Variants in SNX29 observed in about 807,000 individuals in gnomAD.
The protein encoded by SNX29 is sorting nexin-29.
Under a neutral mutation model 102.1 loss-of-function variants are expected in SNX29, and 78 were observed. The ratio of observed to expected loss-of-function variants is 0.76; its 90% CI spans 0.64 to 0.92. SNX29 has a LOEUF of 0.92. Ranked by LOEUF, SNX29 falls within the 40% of genes least tolerant of loss-of-function variation. The probability of loss-of-function intolerance (pLI) is 0.00; values close to 1 mark genes in which losing one functional copy is unlikely to be tolerated. For synonymous variants in SNX29, 580 were observed against 414.5 expected (o/e 1.40, Z -4.85); for missense variants, 1,280 against 1,061.7 (o/e 1.21, Z -2.86).
intron 14 of SNX29, among the ~76,000 whole-genome samples, chr16:12,266,178 G>A (rs146013208): frequency 1.3e-3 from 201 of 152,232 alleles, no homozygotes; most frequent in African/African-American, 4.4e-3. Context: ...TCCCGCCTCA[G>A]CCTCCCAAAG....
chr16:12,493,048 G>C (rs1024150772), intron 19 of SNX29, among the ~76,000 whole-genome samples: 43 of 152,200 alleles, frequency 2.8e-4, no homozygotes, highest in Admixed American at 7.9e-4. Context: ...CTTTAAAGTA[G>C]TTTTTTCCAA....
At chr16:12,363,794 C>T (rs1026985340) in intron 16 of SNX29, among the ~76,000 whole-genome samples, 3 of 152,066 alleles carry the variant, frequency 2.0e-5, no homozygotes, top group African/African-American at 7.2e-5. Flanking sequence ...TACTTGGGAC[C>T]ACAAGTGTTT....
At chr16:12,061,398 AC>A in intron 8 of SNX29, 129 bp from the exon 9 acceptor site, 1 of 696,072 alleles carries the variant, frequency 1.4e-6, no homozygotes, top group Non-Finnish European at 2.4e-6. Context: ...CTCCCAGCCC[AC>A]ACCTCCTTCT....
At position 12,573,277 on chromosome 16, in the gene SNX29, C is replaced by G. The variant is rs528052161; in HGVS notation, c.*4648C>G. 12 of 228,046 alleles carry G rather than the reference C, an allele frequency of 5.3e-5. No individual in the cohort carries two copies. In the South Asian group the frequency reaches 2.0e-3, roughly 38 times the overall value. 14.1% of individuals were successfully genotyped at this position (228,046 alleles called of 1,614,324 possible). A position where few individuals can be genotyped will look rare whatever the true frequency, so the allele number is the denominator to read the frequency against. Reference sequence around the variant, plus strand: ...TCAGTCATCTCTGGTATTCCTCACTCTAGCCATGAGCCATTGCCATCTTAT... The same window carrying G: ...TCAGTCATCTCTGGTATTCCTCACTGTAGCCATGAGCCATTGCCATCTTAT... On this transcript the variant is annotated 3_prime_UTR_variant, in exon 21 of 21. Transcript: ENST00000566228.
chr16:11,990,063 A>T (rs1361178594), intron 1 of SNX29, among the ~76,000 whole-genome samples: 3 of 152,176 alleles, frequency 2.0e-5, no homozygotes, highest in African/African-American at 4.8e-5. Flanking sequence ...AATGTCTCCA[A>T]GTCTCAGTTC....
At position 12,096,323 on chromosome 16, in the gene SNX29, CACCAAACATTT is replaced by C. The variant is rs1198186895; in HGVS notation, c.1402+17418_1402+17428del. Among the ~76,000 whole-genome samples, 1 of 152,218 alleles carries C rather than the reference CACCAAACATTT, an allele frequency of 6.6e-6. No individual in the cohort carries two copies. The highest frequency in any genetic ancestry group is 2.4e-5 in the African/African-American group (1 of 41,458). ...CTTCTTTATCATCTGTTTATTCATT[CACCAAACATTT>C]ACCAAACATCTCTCATGTGCTGGGC... On this transcript the variant is annotated intron_variant, in intron 11 of 20. Transcript: ENST00000566228. The surrounding 1 kb of genome is among the most constrained non-coding windows in gnomAD (Gnocchi z 4.2).
rs2078020190 is a variant in SNX29 at position 12,552,177 on chromosome 16, A to AGG, written c.2319-16327_2319-16326dup. 3.3e-5 allele frequency among the ~76,000 whole-genome samples: 5 copies of AGG among 152,208 alleles called. No homozygotes were observed. The East Asian group carries it at 9.6e-4, about 29-fold the overall frequency. ...AGCTTAATCTACTAATCCTGCAGAAAGGGAAACAACGGCAGATAAGGCAGG... is the reference window on the plus strand; with the variant it reads ...AGCTTAATCTACTAATCCTGCAGAAAGGGGGAAACAACGGCAGATAAGGCAGG... On this transcript the variant is annotated intron_variant, in intron 20 of 20. Coordinates refer to ENST00000566228, the MANE Select transcript of SNX29 (RefSeq NM_032167.5).
chr16:12,461,978 A>AATAT (rs71139595), intron 18 of SNX29, among the ~76,000 whole-genome samples: 850 of 27,216 alleles, frequency 0.031, 28 homozygotes, highest in Middle Eastern at 0.12. Flanking sequence ...AAAAAAAAAA[A>AATAT]ATATATATAT....
At chr16:12,514,466 C>T (rs1057029137) in intron 19 of SNX29, among the ~76,000 whole-genome samples, 1 of 152,210 alleles carries the variant, frequency 6.6e-6, no homozygotes, top group African/African-American at 2.4e-5. Flanking sequence ...GCTCAGGAAT[C>T]AGGCCTCTTG....
At chr16:12,470,551 G>A (rs1190278100) in intron 18 of SNX29, among the ~76,000 whole-genome samples, 6 of 152,244 alleles carry the variant, frequency 3.9e-5, no homozygotes, top group South Asian at 4.1e-4. Context: ...TCAGAAGCCC[G>A]GGGAACGCTT....
At chr16:12,076,303 CTT>C (rs541884560) in intron 10 of SNX29, among the ~76,000 whole-genome samples, 107 of 139,728 alleles carry the variant, frequency 7.7e-4, no homozygotes, top group East Asian at 6.1e-3. Context: ...TGGCTCCTCC[CTT>C]TTTTTTTTTT....
intron 13 of SNX29, among the ~76,000 whole-genome samples, chr16:12,196,869 C>T (rs951167335): frequency 6.6e-6 from 1 of 152,166 alleles, no homozygotes; most frequent in African/African-American, 2.4e-5. Flanking sequence ...GATCCACCCA[C>T]CTCAGCCTCC....
At chr16:12,062,168 C>G (rs1294427234) in intron 9 of SNX29, among the ~76,000 whole-genome samples, 1 of 151,902 alleles carries the variant, frequency 6.6e-6, no homozygotes, top group African/African-American at 2.4e-5. Flanking sequence ...CACCTGAGGT[C>G]AGGAGTTTGA....
intron 14 of SNX29, among the ~76,000 whole-genome samples, chr16:12,236,780 T>A (rs2077947488): frequency 6.6e-6 from 1 of 152,214 alleles, no homozygotes; most frequent in Admixed American, 6.5e-5. Context: ...TGAGCACTCG[T>A]CACATGCTTC....
chr16:12,390,216 G>A (rs74816833), intron 16 of SNX29, among the ~76,000 whole-genome samples: 1,938 of 151,580 alleles, frequency 0.013, 38 homozygotes, highest in African/African-American at 0.045. Context: ...ACAGCCTCTT[G>A]GCAGTTTGCC....
rs898182312 is a variant in SNX29 at position 12,096,255 on chromosome 16, C to G, written c.1402+17340C>G. Among the ~76,000 whole-genome samples the G allele has an allele frequency of 6.6e-6, 1 of 152,214 alleles. No individual in the cohort carries two copies. The highest frequency in any genetic ancestry group is 1.5e-5 in the Non-Finnish European group (1 of 68,036). ...AGCCCTTCAGTGACTGTCTTAGTGT[C>G]TTAGTAATTGGAAGGTTCCAGATGG... On this transcript the variant is annotated intron_variant, in intron 11 of 20. Coordinates refer to ENST00000566228, the MANE Select transcript of SNX29 (RefSeq NM_032167.5). This position sits in a 1 kb window ranked among gnomAD's most constrained non-coding sequence, Gnocchi z 4.2.
intron 16 of SNX29, among the ~76,000 whole-genome samples, chr16:12,386,171 T>G (rs1241429741): frequency 6.6e-6 from 1 of 152,190 alleles, no homozygotes; most frequent in East Asian, 1.9e-4. Context: ...ATTTCTGAAC[T>G]CCTGGATCCA....
At chr16:12,105,227 CCCTTCCTT>C (rs35638104) in intron 11 of SNX29, among the ~76,000 whole-genome samples, 130 of 105,736 alleles carry the variant, frequency 1.2e-3, no homozygotes, top group Non-Finnish European at 5.6e-4. Flanking sequence ...CTCCCTCCCT[CCCTTCCTT>C]CCTTCCTTCC....
chr16:12,417,535 C>A (rs1254791967), intron 18 of SNX29, among the ~76,000 whole-genome samples: 1 of 152,060 alleles, frequency 6.6e-6, no homozygotes, highest in Admixed American at 6.6e-5. Context: ...TACATCCCTC[C>A]CCTGGTCTTT....
Sources: gnomAD v4.1 joint callset for allele counts (sites outside exome capture counted in the v4.1 genomes callset) on GRCh38, gnomAD v4.1.1 for gene constraint, Gnocchi (gnomAD v3.1) non-coding constraint, MANE v1.5 for transcripts, NCBI Gene and HGNC (gene_info 2026-07-23, HGNC 2026-07-21) for gene names.